The following CDC42BPG variants were observed in gnomAD, a reference collection of about 807,000 sequenced individuals.
CDC42BPG encodes the protein CDC42 binding protein kinase gamma.
In CDC42BPG, 157 loss-of-function variants were observed where a neutral mutation model predicts 192.2. The ratio of observed to expected loss-of-function variants is 0.82; its 90% CI spans 0.72 to 0.93. The LOEUF is 0.93. Ranked by LOEUF, CDC42BPG falls within the 40% of genes least tolerant of loss-of-function variation. The pLI is 0.00. For missense variants in CDC42BPG, 1,992 were observed against 2,122.1 expected, an observed-to-expected ratio of 0.94 and a Z score of 1.20; for synonymous variants, 981 against 918.5, an observed-to-expected ratio of 1.07 and a Z score of -1.23.
chr11:64,839,487 G>C lies in CDC42BPG; in HGVS notation c.666C>G (p.Thr222=). 6.2e-7 allele frequency: 1 copy of C among 1,613,172 alleles called. No individual in the cohort carries two copies. Among genetic ancestry groups the C allele is most frequent in the Non-Finnish European group, 8.5e-7 (1 of 1,179,946 alleles). Residue 222 remains threonine, a synonymous_variant, in exon 6 of 37, where the codon ACC becomes ACG. Transcript: ENST00000342711. The part of the protein sequence containing the change: ...ADFGSCLRLN[T]NGMVDSSVAV... Reference sequence around the variant, plus strand: ...GGGGCGGGGTCCTTACCATGCCGTTGGTGTTGAGACGCAGGCAGGAGCCGA... The same window carrying C: ...GGGGCGGGGTCCTTACCATGCCGTTCGTGTTGAGACGCAGGCAGGAGCCGA...
chr11:64,838,529 A>G, intron 8 of CDC42BPG, 125 bp downstream of exon 8: 1 of 1,320,352 alleles, frequency 7.6e-7, no homozygotes, highest in South Asian at 1.3e-5. Flanking sequence ...GGAGTCCATA[A>G]ATCATAAGCC....
intron 8 of CDC42BPG, 76 bp downstream of exon 8, chr11:64,838,578 G>T (rs1354422078): frequency 1.9e-6 from 3 of 1,576,358 alleles, no homozygotes; most frequent in Non-Finnish European, 2.6e-6. Flanking sequence ...CACCCCAGGG[G>T]ACTTCAGAGG....
chr11:64,826,832 G>A (rs1418384670), intron 34 of CDC42BPG, 38 bp from the exon 35 acceptor site: 1 of 1,470,094 alleles, frequency 6.8e-7, no homozygotes, highest in East Asian at 2.4e-5. Context: ...GGACTAGCAG[G>A]CACAAGGAGG....
Position 64,833,327 on chromosome 11 carries a change from G to T in CDC42BPG, c.2635C>A (p.His879Asn). 6.6e-7 allele frequency: 1 copy of T among 1,521,902 alleles called. No homozygotes were observed. Among genetic ancestry groups the T allele is most frequent in the Non-Finnish European group, 8.8e-7 (1 of 1,131,070 alleles). The allele number at this position is 1,521,902 out of a possible 1,614,324, so 94.3% of individuals were successfully genotyped here. A position where few individuals can be genotyped will look rare whatever the true frequency, so the allele number is the denominator to read the frequency against. Residue 879 changes from histidine to asparagine, a missense_variant, in exon 24 of 37, where the codon CAC becomes AAC. Around this residue, in one of 2 missense-constraint regions of CDC42BPG, gnomAD observed 1,656 missense variants for 1,844.3 expected, o/e 0.90. Transcript: ENST00000342711. ...GGGAAGCTCCGGGGGCGCAGCGTGT[G>T]TGAGCCGGGCTGGGGAGGGGGACAG... The part of the protein sequence containing the change: ...TEGLPAKPGS[H>N]TLRPRSFPSP...
In CDC42BPG at chr11:64,835,040, C is replaced by A; in HGVS notation, c.2060+7G>T. On this transcript the variant is annotated splice_region_variant and intron_variant, in intron 17 of 36. Transcript: ENST00000342711. ...GTTCCCCACCCCGACCCACCCCTGGCACCCACCAGCTGAGGATGTCGGCGA... is the reference window on the plus strand; with the variant it reads ...GTTCCCCACCCCGACCCACCCCTGGAACCCACCAGCTGAGGATGTCGGCGA... 2 of 1,229,254 alleles carry A rather than the reference C, an allele frequency of 1.6e-6. No homozygotes were observed. The highest frequency in any genetic ancestry group is 2.3e-6 in the Non-Finnish European group (2 of 866,700). 76.1% of individuals were successfully genotyped at this position (1,229,254 alleles called of 1,614,324 possible). A position where few individuals can be genotyped will look rare whatever the true frequency, so the allele number is the denominator to read the frequency against.
chr11:64,831,629 C>A lies in CDC42BPG; in HGVS notation c.3180G>T (p.Val1060=), dbSNP rs1249764471. ...SEGERERWLQ[V]LGELQRLLLD... ...GCAGCAGCCGCTGCAGCTCACCCAG[C>A]ACCTGCAGCCAGCGTTCCCGCTCCC... The change falls in exon 28 of 37, where the codon GTG becomes GTT. Residue 1060 remains valine, a synonymous_variant. Transcript: ENST00000342711. 6.2e-7 allele frequency: 1 copy of A among 1,611,604 alleles called. No homozygotes were observed. Among genetic ancestry groups the A allele is most frequent in the Admixed American group, 1.7e-5 (1 of 59,982 alleles).
At chr11:64,840,796 G>A (rs1943247062) in intron 3 of CDC42BPG, 148 bp from the exon 4 acceptor site, 2 of 681,144 alleles carry the variant, frequency 2.9e-6, no homozygotes, top group Non-Finnish European at 5.2e-6. Flanking sequence ...GGCTGCGACT[G>A]AGCCCAAGCC....
At chr11:64,844,327 C>G (rs1592732048) in intron 1 of CDC42BPG, 83 bp downstream of exon 1, 2 of 1,237,458 alleles carry the variant, frequency 1.6e-6, no homozygotes, top group South Asian at 4.5e-5. Flanking sequence ...GGGTGCGGGT[C>G]CCTGCGGGAA....
intron 36 of CDC42BPG, among the ~76,000 whole-genome samples, chr11:64,825,927 A>G (rs1942394865): frequency 6.6e-6 from 1 of 152,070 alleles, no homozygotes; most frequent in African/African-American, 2.4e-5. Flanking sequence ...TTAGCTGGGC[A>G]TGGTGATGCA....
In CDC42BPG at chr11:64,830,228, C is replaced by G; in HGVS notation, c.3333G>C (p.Glu1111Asp). 6.2e-7 allele frequency: 1 copy of G among 1,612,758 alleles called. No homozygotes were observed. Among genetic ancestry groups the G allele is most frequent in the Non-Finnish European group, 8.5e-7 (1 of 1,179,428 alleles). Residue 1111 changes from glutamate to aspartate, a missense_variant, in exon 29 of 37, where the codon GAG becomes GAC. Physicochemically the swap from Glu to Asp is conservative, Grantham distance 45 (BLOSUM62 2). Around this residue, in one of 2 missense-constraint regions of CDC42BPG, gnomAD observed 1,656 missense variants for 1,844.3 expected, o/e 0.90. Coordinates refer to ENST00000342711, the MANE Select transcript of CDC42BPG (RefSeq NM_017525.3). ...GCAGATGGATGACAAAGAGCCCCTC[C>G]TCGGTGCCAAGCGCAAGTCGATCCT... ...LDQDRLALGTEEGLFVIHLRS... is the reference protein window; with the variant it reads ...LDQDRLALGTDEGLFVIHLRS...
Position 64,840,590 on chromosome 11 carries a change from G to C in CDC42BPG, c.395C>G (p.Thr132Ser). 1.2e-6 allele frequency: 2 copies of C among 1,613,988 alleles called. No individual in the cohort carries two copies. Among genetic ancestry groups the C allele is most frequent in the South Asian group, 2.2e-5 (2 of 91,084 alleles). ...VLVKGDSRWV[T>S]TLHYAFQDEE... ...GTCTTGGAAGGCATAGTGCAGAGTGGTCACCCAACGGCTGTCCCCTTTCAC... is the reference window on the plus strand; with the variant it reads ...GTCTTGGAAGGCATAGTGCAGAGTGCTCACCCAACGGCTGTCCCCTTTCAC... Residue 132 changes from threonine (T) to serine (S), a missense_variant, in exon 4 of 37, where the codon ACC (threonine) becomes AGC (serine). Thr to Ser is a moderately conservative substitution (Grantham distance 58). This residue lies in a region of CDC42BPG where 1,656 missense variants were observed against 1,844.3 expected (regional missense o/e 0.90). Coordinates refer to ENST00000342711, the MANE Select transcript of CDC42BPG (RefSeq NM_017525.3).
At chr11:64,826,942 G>T in intron 34 of CDC42BPG, 108 bp downstream of exon 34, 1 of 1,155,004 alleles carries the variant, frequency 8.7e-7, no homozygotes, top group Non-Finnish European at 1.3e-6. Context: ...TGAGTCCCAG[G>T]CCTTAGGAGT....
chr11:64,834,685 G>A (rs1024794993), intron 18 of CDC42BPG, 108 bp from the exon 19 acceptor site: 12 of 1,416,868 alleles, frequency 8.5e-6, no homozygotes, highest in East Asian at 5.0e-5. Flanking sequence ...CAGGCTCAAA[G>A]CTCCAGCTCA....
Position 64,829,489 on chromosome 11 carries a change from CTGGCCACAACAGCTCG to C in CDC42BPG, c.3933_3948del (p.His1311GlnfsTer14). 1 of 1,612,812 alleles carries C rather than the reference CTGGCCACAACAGCTCG, an allele frequency of 6.2e-7. No homozygotes were observed. ...GCCTTACCCCAGCCCATGGGCGCTG[CTGGCCACAACAGCTCG>C]TGGCCACGAGACTTGCGGCCTGCGC... On this transcript the variant is annotated frameshift_variant, in exon 30 of 37. Coordinates refer to ENST00000342711, the MANE Select transcript of CDC42BPG (RefSeq NM_017525.3). LOFTEE classifies it high-confidence loss of function.
At chr11:64,835,228 A>T in intron 16 of CDC42BPG, 75 bp from the exon 17 acceptor site, 1 of 1,602,222 alleles carries the variant, frequency 6.2e-7, no homozygotes, top group Non-Finnish European at 8.5e-7. Flanking sequence ...TAGGTACCCC[A>T]GCACCCCGAG....
rs1942982470 is a variant in CDC42BPG, at chr11:64,836,288, G to GACCA, written c.1496_1497insTGGT (p.Glu500GlyfsTer40). 2 of 1,605,886 alleles carry GACCA rather than the reference G, an allele frequency of 1.2e-6. No homozygotes were observed. Among genetic ancestry groups the GACCA allele is most frequent in the African/African-American group, 2.7e-5 (2 of 74,856 alleles). On this transcript the variant is annotated frameshift_variant, in exon 13 of 37. Transcript: ENST00000342711. LOFTEE classifies it high-confidence loss of function. ...GAGCCTGCAGCCCTGCCCGACCCTC[G>GACCA]GCCAGCTCCTGAGGAGGCAGGGGAG...
intron 3 of CDC42BPG, 90 bp downstream of exon 3, chr11:64,841,560 C>A: frequency 9.4e-7 from 1 of 1,068,776 alleles, no homozygotes. Flanking sequence ...CAGCCTTGCC[C>A]GCCCCCCCCG....
intron 30 of CDC42BPG, among the ~76,000 whole-genome samples, chr11:64,828,429 G>T (rs1942535128): frequency 6.6e-6 from 1 of 152,244 alleles, no homozygotes; most frequent in African/African-American, 2.4e-5. Flanking sequence ...TCATGAAGTG[G>T]AGGCGATGAG....
In CDC42BPG at chr11:64,844,453, G is replaced by T. The variant is rs751913332; in HGVS notation, c.117C>A (p.Gly39=). The change falls in exon 1 of 37, where the codon GGC becomes GGA. Residue 39 remains glycine (G), a synonymous_variant. Coordinates refer to ENST00000342711, the MANE Select transcript of CDC42BPG (RefSeq NM_017525.3). The stretch of plus-strand genomic sequence containing the variant: ...CCACGCTGCGCTCCCGCCGTAGGGG[G>T]CCGCTGCTGAGCTCGTGGTGCAGCG... The part of the protein sequence containing the change: ...LLALHHELSS[G]PLRRERSVAQ... The T allele has an allele frequency of 1.1e-5, 16 of 1,472,738 alleles. No individual in the cohort carries two copies. The highest frequency in any genetic ancestry group is 4.8e-4 in the Middle Eastern group (2 of 4,168). The allele number at this position is 1,472,738 out of a possible 1,614,324, so 91.2% of individuals were successfully genotyped here. A position where few individuals can be genotyped will look rare whatever the true frequency, so the allele number is the denominator to read the frequency against.
Sources: allele counts gnomAD v4.1 joint callset (sites outside exome capture counted in the v4.1 genomes callset), GRCh38; gene constraint gnomAD v4.1.1; regional missense constraint gnomAD v4.1.1; transcripts MANE v1.5; gene names NCBI Gene and HGNC (gene_info 2026-07-23, HGNC 2026-07-21).